ZC3HAV1: variants seen among roughly 807,000 people sequenced by gnomAD.
The protein encoded by ZC3HAV1 is zinc finger CCCH-type antiviral protein 1.
ZC3HAV1 carries 41 observed loss-of-function variants against 86.6 expected under a neutral mutation model. That is an observed-to-expected ratio of 0.47 (90% CI 0.37 to 0.61). The LOEUF (loss-of-function observed/expected upper bound fraction) is 0.61. Among genes scored for constraint, ZC3HAV1 ranks in the 20% least tolerant of loss-of-function variants. The pLI is 0.00. For missense variants in ZC3HAV1, 964 were observed against 1,141.1 expected, an observed-to-expected ratio of 0.84 and a Z score of 2.24; for synonymous variants, 421 against 432.1, an observed-to-expected ratio of 0.97 and a Z score of 0.32.
intron 12 of ZC3HAV1, among the ~76,000 whole-genome samples, chr7:139,048,217 C>T (rs1303840706): frequency 6.6e-6 from 1 of 152,168 alleles, no homozygotes; most frequent in African/African-American, 2.4e-5. Flanking sequence ...GCTTCGTCCT[C>T]AACTCTAAAA....
At chr7:139,072,342 A>G (rs147791263) in intron 7 of ZC3HAV1, among the ~76,000 whole-genome samples, 1,650 of 151,710 alleles carry the variant, frequency 0.011, 28 homozygotes, top group African/African-American at 0.038. Context: ...GCGCCACCAC[A>G]CCCAGCTAAT....
In ZC3HAV1 at chr7:139,054,905, A is replaced by C. The variant is rs56286909; in HGVS notation, c.2187+300T>G. On this transcript the variant is annotated intron_variant, in intron 10 of 12. Coordinates refer to ENST00000242351, the MANE Select transcript of ZC3HAV1 (RefSeq NM_020119.4). Reference sequence around the variant, plus strand: ...CGGGTACAGGCAATTCTCCTGTCTCAGCATCCCAAGTAGCTGGGACTACAG... The same window carrying C: ...CGGGTACAGGCAATTCTCCTGTCTCCGCATCCCAAGTAGCTGGGACTACAG... 3.1e-3 allele frequency among the ~76,000 whole-genome samples: 467 copies of C among 152,276 alleles called. 3 individuals carry two copies. Among genetic ancestry groups the C allele is most frequent in the Non-Finnish European group, 4.9e-3 (335 of 68,006 alleles).
chr7:139,079,513 G>A lies in ZC3HAV1; in HGVS notation c.1428C>T (p.Gly476=), dbSNP rs141821515. The part of the protein sequence containing the change: ...GPASRDVQAT[G]RIADDADPRV... The stretch of plus-strand genomic sequence containing the variant: ...TTGGGTCAGCATCATCTGCGATTCT[G>A]CCAGTGGCCTGGACATCTCGGGAAG... Residue 476 remains glycine, a synonymous_variant, in exon 4 of 13, where the codon GGC becomes GGT. Coordinates refer to ENST00000242351, the MANE Select transcript of ZC3HAV1 (RefSeq NM_020119.4). The A allele has an allele frequency of 6.4e-4, 1,035 of 1,614,034 alleles. No individual in the cohort carries two copies. The highest frequency in any genetic ancestry group is 8.2e-4 in the Non-Finnish European group (971 of 1,180,050).
Position 139,076,299 on chromosome 7 carries a change from G to A in ZC3HAV1, c.1684C>T (p.Pro562Ser), listed in dbSNP as rs760113819. The stretch of plus-strand genomic sequence containing the variant: ...CCACCAACTTACAGGTGGATTCCGG[G>A]GTTACAGTAGCCTTTCTCGATCGTC... ...METIEKGYCN[P>S]GIHLCSVGSY... Residue 562 changes from proline to serine, a missense_variant, in exon 6 of 13, where the codon CCC becomes TCC. Physicochemically the swap from Pro to Ser is moderately conservative, Grantham distance 74. Coordinates refer to ENST00000242351, the MANE Select transcript of ZC3HAV1 (RefSeq NM_020119.4). The A allele has an allele frequency of 4.8e-5, 78 of 1,614,148 alleles. No individual in the cohort carries two copies. The highest frequency in any genetic ancestry group is 6.4e-5 in the Non-Finnish European group (76 of 1,180,030).
intron 9 of ZC3HAV1, among the ~76,000 whole-genome samples, chr7:139,056,903 A>G (rs1816301572): frequency 6.6e-6 from 1 of 152,210 alleles, no homozygotes; most frequent in African/African-American, 2.4e-5. Context: ...TGGGTATTAG[A>G]TGATATTAAG....
At chr7:139,064,748 A>G in intron 8 of ZC3HAV1, 131 bp downstream of exon 8, 1 of 1,452,090 alleles carries the variant, frequency 6.9e-7, no homozygotes, top group Non-Finnish European at 9.4e-7. Context: ...ACTAGCTTGC[A>G]CTCCACCGCC....
chr7:139,089,882 T>G, intron 1 of ZC3HAV1, 123 bp from the exon 2 acceptor site: 306 of 1,051,962 alleles, frequency 2.9e-4, no homozygotes, highest in Non-Finnish European at 3.6e-4. Flanking sequence ...AGACACAGGT[T>G]GGTTCTGCTT....
At chr7:139,103,197 C>A (rs1026171057) in intron 1 of ZC3HAV1, among the ~76,000 whole-genome samples, 2 of 150,270 alleles carry the variant, frequency 1.3e-5, no homozygotes, top group African/African-American at 4.9e-5. Context: ...TGCACCACCA[C>A]GCCCAGCTAA....
intron 1 of ZC3HAV1, among the ~76,000 whole-genome samples, chr7:139,097,428 A>ATATTTTTTTTTTTTTTT: frequency 8.3e-5 from 4 of 48,158 alleles, no homozygotes; most frequent in African/African-American, 4.5e-4. Flanking sequence ...ATATATATAT[A>ATATTTTTTTTTTTTTTT]TTTTTTTTTT....
At chr7:139,099,939 A>G (rs1456791933) in intron 1 of ZC3HAV1, among the ~76,000 whole-genome samples, 1 of 151,936 alleles carries the variant, frequency 6.6e-6, no homozygotes, top group Non-Finnish European at 1.5e-5. Flanking sequence ...AAATAAATAA[A>G]TAAACCTCAA....
At chr7:139,057,298 C>T (rs1206637093) in intron 9 of ZC3HAV1, among the ~76,000 whole-genome samples, 2 of 119,778 alleles carry the variant, frequency 1.7e-5, no homozygotes, top group African/African-American at 2.8e-5. Flanking sequence ...TTTGAGGCTG[C>T]AGTGAGCCAT....
Position 139,044,245 on chromosome 7 carries a change from C to G in ZC3HAV1, c.*3349G>C, listed in dbSNP as rs1641956328. 1 of 151,896 alleles carries G rather than the reference C, an allele frequency of 6.6e-6. No individual in the cohort carries two copies. Among genetic ancestry groups the G allele is most frequent in the Admixed American group, 6.6e-5 (1 of 15,238 alleles). 9.4% of individuals were successfully genotyped at this position (151,896 alleles called of 1,614,324 possible). ...TGTACATAGTCTGTTTTGTCTTTACCCTAACACTGGTTTTCATTCTAGTGT... is the reference window on the plus strand; with the variant it reads ...TGTACATAGTCTGTTTTGTCTTTACGCTAACACTGGTTTTCATTCTAGTGT... On this transcript the variant is annotated 3_prime_UTR_variant, in exon 13 of 13. Coordinates refer to ENST00000242351, the MANE Select transcript of ZC3HAV1 (RefSeq NM_020119.4).
rs34732980 is a variant in ZC3HAV1, at chr7:139,083,726, C to CAA, written c.697+52_697+53dup. The CAA allele has an allele frequency of 9.3e-3, 12,268 of 1,318,630 alleles. 33 individuals are homozygous for CAA. The highest frequency in any genetic ancestry group is 0.053 in the African/African-American group (2,619 of 49,782). 81.7% of individuals were successfully genotyped at this position (1,318,630 alleles called of 1,614,324 possible). On this transcript the variant is annotated intron_variant, in intron 3 of 12. Coordinates refer to ENST00000242351, the MANE Select transcript of ZC3HAV1 (RefSeq NM_020119.4). ...TGGGTGACAGAGAGAGACTCTGTCT[C>CAA]AAAAAAAAAAAAAAAAAAAGAGTTC...
chr7:139,046,120 GTTC>G lies in ZC3HAV1; in HGVS notation c.*1471_*1473del, dbSNP rs1259530593. 6.6e-6 allele frequency: 1 copy of G among 151,984 alleles called. No individual in the cohort carries two copies. The highest frequency in any genetic ancestry group is 1.5e-5 in the Non-Finnish European group (1 of 67,994). 9.4% of individuals were successfully genotyped at this position (151,984 alleles called of 1,614,324 possible). A position where few individuals can be genotyped will look rare whatever the true frequency, so the allele number is the denominator to read the frequency against. On this transcript the variant is annotated 3_prime_UTR_variant, in exon 13 of 13. Transcript: ENST00000242351. ...AGGGAAAATCAGAAGGAAAAACCTG[GTTC>G]ATAAGAAGGAAGGAAATATTGGTCC...
chr7:139,109,359 C>T lies in ZC3HAV1; in HGVS notation c.-28G>A, dbSNP rs746867599. ...CGCGCTGGCTGTGCTGGCTCTGCCGCGGCGCGGGACTCGGTTCCGCGGAAA... is the reference window on the plus strand; with the variant it reads ...CGCGCTGGCTGTGCTGGCTCTGCCGTGGCGCGGGACTCGGTTCCGCGGAAA... On this transcript the variant is annotated 5_prime_UTR_variant, in exon 1 of 13. Coordinates refer to ENST00000242351, the MANE Select transcript of ZC3HAV1 (RefSeq NM_020119.4). 8 of 1,535,022 alleles carry T rather than the reference C, an allele frequency of 5.2e-6. No homozygotes were observed. Among genetic ancestry groups the T allele is most frequent in the Non-Finnish European group, 7.0e-6 (8 of 1,142,468 alleles).
At chr7:139,058,167 C>T (rs769808838) in intron 9 of ZC3HAV1, among the ~76,000 whole-genome samples, 21 of 135,160 alleles carry the variant, frequency 1.6e-4, no homozygotes, top group Non-Finnish European at 2.7e-4. Flanking sequence ...CCACCCTCCC[C>T]CACTAACATG....
rs1351666678 is a variant in ZC3HAV1 at position 139,083,951 on chromosome 7, G to GGTCA, written c.522_525dup (p.His176Ter). On this transcript the variant is annotated stop_gained and frameshift_variant, in exon 3 of 13. Transcript: ENST00000242351. LOFTEE classifies it high-confidence loss of function. ...AAACGACAGTTCCCTCGGGTGAAGT[G>GGTCA]GTCACAGATGTGGAGTCTTGAACAC... is the stretch of plus-strand genomic sequence containing the variant. 6.2e-7 allele frequency: 1 copy of GGTCA among 1,614,060 alleles called. No individual in the cohort carries two copies. The highest frequency in any genetic ancestry group is 8.5e-7 in the Non-Finnish European group (1 of 1,180,012).
rs759991146 is a variant in ZC3HAV1 at position 139,080,179 on chromosome 7, A to G, written c.762T>C (p.Phe254=). The stretch of plus-strand genomic sequence containing the variant: ...ACGCAAGAAATTCTTGGCTGCCCTG[A>G]AAGAACCGATCTCTACTCTTGCTTC... ...RARSKSRDRF[F]QGSQEFLASA... Residue 254 remains phenylalanine (F), a synonymous_variant, in exon 4 of 13, where the codon TTT becomes TTC. Transcript: ENST00000242351. 3 of 1,614,060 alleles carry G rather than the reference A, an allele frequency of 1.9e-6. No individual in the cohort carries two copies. The highest frequency in any genetic ancestry group is 2.7e-5 in the African/African-American group (2 of 74,914).
At position 139,079,490 on chromosome 7, in the gene ZC3HAV1, G is replaced by T; in HGVS notation, c.1451C>A (p.Pro484Gln). Residue 484 changes from proline to glutamine, a missense_variant, in exon 4 of 13, where the codon CCA becomes CAA. Coordinates refer to ENST00000242351, the MANE Select transcript of ZC3HAV1 (RefSeq NM_020119.4). Reference sequence around the variant, plus strand: ...TTTACCGTTAACAAGTGCTACTCTTGGGTCAGCATCATCTGCGATTCTGCC... The same window carrying T: ...TTTACCGTTAACAAGTGCTACTCTTTGGTCAGCATCATCTGCGATTCTGCC... ...ATGRIADDADPRVALVNDSLS... is the reference protein window; with the variant it reads ...ATGRIADDADQRVALVNDSLS... 6.2e-7 allele frequency: 1 copy of T among 1,614,096 alleles called. No individual in the cohort carries two copies. Among genetic ancestry groups the T allele is most frequent in the Non-Finnish European group, 8.5e-7 (1 of 1,180,006 alleles).
Sources: allele counts gnomAD v4.1 joint callset (sites outside exome capture counted in the v4.1 genomes callset), GRCh38; gene constraint gnomAD v4.1.1; transcripts MANE v1.5; gene names NCBI Gene and HGNC (gene_info 2026-07-23, HGNC 2026-07-21).